The following QSER1 variants were observed in gnomAD, a reference collection of about 807,000 sequenced individuals.
QSER1 encodes the protein glutamine and serine rich 1, also known as glutamine and serine-rich protein 1.
Under a neutral mutation model 158.5 loss-of-function variants are expected in QSER1, and 49 were observed. The ratio of observed to expected loss-of-function variants is 0.31; its 90% CI spans 0.25 to 0.39. The LOEUF is 0.39. Ranked by LOEUF, QSER1 falls within the 10% of genes least tolerant of loss-of-function variation. QSER1 has a pLI of 1.00. For synonymous variants in QSER1, 650 were observed against 715.5 expected (o/e 0.91, Z 1.46); for missense variants, 1,754 against 2,010.3 (o/e 0.87, Z 2.44).
chr11:32,937,441 T>C (rs936430131), intron 4 of QSER1, among the ~76,000 whole-genome samples: 1 of 152,072 alleles, frequency 6.6e-6, no homozygotes, highest in Non-Finnish European at 1.5e-5. Context: ...CATGCCACCA[T>C]GCCTGGCTAA....
In QSER1 at chr11:32,957,891, A is replaced by T; in HGVS notation, c.4774A>T (p.Ser1592Cys). 6.2e-7 allele frequency: 1 copy of T among 1,614,120 alleles called. No homozygotes were observed. The highest frequency in any genetic ancestry group is 8.5e-7 in the Non-Finnish European group (1 of 1,179,968). Residue 1592 changes from serine (S) to cysteine (C), a missense_variant, in exon 8 of 13, where the codon AGT (serine) becomes TGT (cysteine). Around this residue, in one of 2 missense-constraint regions of QSER1, gnomAD observed 1,707 missense variants for 1,919.6 expected, o/e 0.89. Coordinates refer to ENST00000650167, the MANE Select transcript of QSER1 (RefSeq NM_001076786.3). ...CAGAACTGTTCAAGCTAAGCCAAGT[A>T]GTAGCAGTAAAACTTCTGATCCTCT... The part of the protein sequence containing the change: ...TIRTVQAKPS[S>C]SSKTSDPLAS...
At chr11:32,930,535 A>G (rs1356566053) in intron 3 of QSER1, among the ~76,000 whole-genome samples, 1 of 152,198 alleles carries the variant, frequency 6.6e-6, no homozygotes, top group Non-Finnish European at 1.5e-5. Context: ...AAATAGTAAA[A>G]AGGTATATAA....
At chr11:32,897,246 A>G (rs1851566956) in intron 1 of QSER1, among the ~76,000 whole-genome samples, 1 of 152,232 alleles carries the variant, frequency 6.6e-6, no homozygotes, top group African/African-American at 2.4e-5. Context: ...ATTTATACCT[A>G]CAGCTACATA....
At chr11:32,950,071 A>C (rs938720491) in intron 4 of QSER1, among the ~76,000 whole-genome samples, 5 of 152,064 alleles carry the variant, frequency 3.3e-5, no homozygotes, top group African/African-American at 9.7e-5. Flanking sequence ...AGCTTAGTAC[A>C]ATTAAGGGGA....
chr11:32,929,572 A>G (rs1299358393), intron 3 of QSER1, among the ~76,000 whole-genome samples: 1 of 152,204 alleles, frequency 6.6e-6, no homozygotes, highest in Non-Finnish European at 1.5e-5. Context: ...TTTTGAGCAC[A>G]TTAAACTGGA....
Position 32,969,158 on chromosome 11 carries a change from T to A in QSER1, c.5205+15T>A. The A allele has an allele frequency of 6.8e-7, 1 of 1,473,832 alleles. No homozygotes were observed. The highest frequency in any genetic ancestry group is 9.4e-7 in the Non-Finnish European group (1 of 1,064,534). The allele number at this position is 1,473,832 out of a possible 1,614,324, so 91.3% of individuals were successfully genotyped here. ...AATCATTCAAGGTATTTCCTTCTGA[T>A]GACTTATTAGCAAAACTCAATGGCA... is the stretch of plus-strand genomic sequence containing the variant. On this transcript the variant is annotated intron_variant, in intron 10 of 12. Coordinates refer to ENST00000650167, the MANE Select transcript of QSER1 (RefSeq NM_001076786.3).
chr11:32,925,375 A>T (rs1851953859), intron 1 of QSER1, among the ~76,000 whole-genome samples: 2 of 152,198 alleles, frequency 1.3e-5, no homozygotes, highest in Non-Finnish European at 1.5e-5. Context: ...TATCAGAGAA[A>T]TGCAAATTAA....
intron 4 of QSER1, among the ~76,000 whole-genome samples, chr11:32,945,720 G>C (rs1461284720): frequency 1.3e-5 from 2 of 149,262 alleles, no homozygotes; most frequent in East Asian, 4.0e-4. Context: ...GTGTCTTGGA[G>C]TTGCTCTTCT....
chr11:32,943,098 T>C, intron 4 of QSER1, among the ~76,000 whole-genome samples: 1 of 151,748 alleles, frequency 6.6e-6, no homozygotes, highest in East Asian at 1.9e-4. Flanking sequence ...CCTGAGACTT[T>C]GCTGAAGTTG....
At chr11:32,961,084 T>C (rs1013284788) in intron 8 of QSER1, among the ~76,000 whole-genome samples, 4 of 152,234 alleles carry the variant, frequency 2.6e-5, no homozygotes. Flanking sequence ...AAAACAACTA[T>C]ACTTTCCAAA....
chr11:32,925,094 GT>G (rs1291602747), intron 1 of QSER1, among the ~76,000 whole-genome samples: 7 of 152,190 alleles, frequency 4.6e-5, no homozygotes, highest in African/African-American at 1.7e-4. Context: ...ATTCTAAGAT[GT>G]TTGTGTACCA....
At chr11:32,961,569 C>T (rs1333451807) in intron 8 of QSER1, among the ~76,000 whole-genome samples, 2 of 152,080 alleles carry the variant, frequency 1.3e-5, no homozygotes, top group Non-Finnish European at 2.9e-5. Flanking sequence ...CCTATATTTC[C>T]AAAACTTTTA....
At chr11:32,960,748 T>C (rs969111761) in intron 8 of QSER1, among the ~76,000 whole-genome samples, 2 of 152,200 alleles carry the variant, frequency 1.3e-5, no homozygotes, top group Non-Finnish European at 2.9e-5. Context: ...TTTTCTTCCC[T>C]TGGTAATTTG....
intron 1 of QSER1, among the ~76,000 whole-genome samples, chr11:32,906,104 GTT>G (rs374193235): frequency 4.5e-4 from 53 of 118,400 alleles, no homozygotes; most frequent in Middle Eastern, 4.5e-3. Context: ...CTATTTTTTA[GTT>G]TTTTTTTTTT....
chr11:32,968,648 T>C (rs1852793370), intron 9 of QSER1, among the ~76,000 whole-genome samples: 1 of 152,250 alleles, frequency 6.6e-6, no homozygotes, highest in Non-Finnish European at 1.5e-5. Flanking sequence ...TTGTATTTTG[T>C]AATTGTTCAG....
At chr11:32,918,134 T>G (rs1198230993) in intron 1 of QSER1, among the ~76,000 whole-genome samples, 1 of 152,184 alleles carries the variant, frequency 6.6e-6, no homozygotes, top group Non-Finnish European at 1.5e-5. Flanking sequence ...GAGCTCTAAC[T>G]TGAAGCTGAT....
At position 32,928,373 on chromosome 11, in the gene QSER1, G is replaced by T. The variant is rs79927272; in HGVS notation, c.484+250G>T. Among the ~76,000 whole-genome samples the T allele has an allele frequency of 4.7e-3, 717 of 152,222 alleles. 3 individuals are homozygous for T. The highest frequency in any genetic ancestry group is 7.0e-3 in the Non-Finnish European group (477 of 68,010). ...GAGGGGTAGATAATGATTAAAGAAG[G>T]TCTCATATAAGGTTTATATCTAGCA... On this transcript the variant is annotated intron_variant, in intron 3 of 12. Coordinates refer to ENST00000650167, the MANE Select transcript of QSER1 (RefSeq NM_001076786.3).
intron 1 of QSER1, among the ~76,000 whole-genome samples, chr11:32,917,358 CAT>C (rs1369199799): frequency 3.9e-5 from 6 of 152,130 alleles, no homozygotes; most frequent in Non-Finnish European, 8.8e-5. Context: ...TTTCCATTCT[CAT>C]GGGTATATGG....
chr11:32,974,819 T>A (rs1852943068), intron 11 of QSER1, among the ~76,000 whole-genome samples: 1 of 152,200 alleles, frequency 6.6e-6, no homozygotes, highest in Admixed American at 6.5e-5. Context: ...AGAAGAAAAG[T>A]TGCTAGACAA....
Sources: gnomAD v4.1 joint callset for allele counts (sites outside exome capture counted in the v4.1 genomes callset) on GRCh38, gnomAD v4.1.1 for gene constraint, gnomAD v4.1.1 regional missense constraint, MANE v1.5 for transcripts, NCBI Gene and HGNC (gene_info 2026-07-23, HGNC 2026-07-21) for gene names.